Variants in TMEM132D observed in about 807,000 individuals in gnomAD.
TMEM132D encodes the protein mature OL transmembrane protein.
Under a neutral mutation model 62.3 loss-of-function variants are expected in TMEM132D, and 21 were observed. That is an observed-to-expected ratio of 0.34 (90% confidence interval 0.24 to 0.49). The LOEUF is 0.49. TMEM132D is among the 20% of genes least tolerant of loss of function. TMEM132D has a pLI of 0.99. For missense variants in TMEM132D, 1,346 were observed against 1,402.8 expected (o/e 0.96, Z 0.65); for synonymous variants, 621 against 575.6 (o/e 1.08, Z -1.13).
intron 4 of TMEM132D, among the ~76,000 whole-genome samples, chr12:129,214,721 A>T (rs1032828278): frequency 3.3e-5 from 5 of 152,236 alleles, no homozygotes; most frequent in African/African-American, 7.2e-5. Context: ...AACATCATTG[A>T]TCACTAGAGA....
At chr12:129,898,784 C>T (rs1875233740) in intron 1 of TMEM132D, among the ~76,000 whole-genome samples, 1 of 152,218 alleles carries the variant, frequency 6.6e-6, no homozygotes, top group African/African-American at 2.4e-5. Context: ...CTGTGCTTTT[C>T]CTCACTACGG....
chr12:129,795,367 G>A (rs1207033706), intron 1 of TMEM132D, among the ~76,000 whole-genome samples: 1 of 152,192 alleles, frequency 6.6e-6, no homozygotes, highest in East Asian at 1.9e-4. Context: ...TCACCTGGGT[G>A]GGAATGACAA....
chr12:129,431,579 C>G (rs1283740297), intron 3 of TMEM132D, among the ~76,000 whole-genome samples: 1 of 152,178 alleles, frequency 6.6e-6, no homozygotes, highest in Non-Finnish European at 1.5e-5. Context: ...TGCCCTGGTG[C>G]AAGCCAAGGT....
intron 4 of TMEM132D, among the ~76,000 whole-genome samples, chr12:129,255,818 G>A (rs974738319): frequency 1.3e-5 from 2 of 152,196 alleles, no homozygotes; most frequent in African/African-American, 4.8e-5. Context: ...GAGGAAGAGG[G>A]TTCTCTTTTA....
At chr12:129,513,027 G>T (rs1000103016) in intron 3 of TMEM132D, among the ~76,000 whole-genome samples, 1 of 152,174 alleles carries the variant, frequency 6.6e-6, no homozygotes, top group African/African-American at 2.4e-5. Context: ...ATATTTGAAG[G>T]TCAGTGTCTT....
intron 2 of TMEM132D, among the ~76,000 whole-genome samples, chr12:129,662,791 C>CA (rs34743737): frequency 0.084 from 5,802 of 69,334 alleles, 414 homozygotes; most frequent in Admixed American, 0.15. Context: ...GATTCCATCT[C>CA]AAAAAAAAAA....
At chr12:129,699,244 T>A (rs1881312357) in intron 2 of TMEM132D, among the ~76,000 whole-genome samples, 1 of 152,194 alleles carries the variant, frequency 6.6e-6, no homozygotes, top group African/African-American at 2.4e-5. Flanking sequence ...TATAAGAAAC[T>A]CAACAAATTC....
chr12:129,840,683 G>A (rs1008412906), intron 1 of TMEM132D, among the ~76,000 whole-genome samples: 3 of 152,142 alleles, frequency 2.0e-5, no homozygotes, highest in South Asian at 2.1e-4. Flanking sequence ...GCGGCCGCCC[G>A]CTTCCCAGGC....
chr12:129,090,434 G>A (rs564766317), intron 5 of TMEM132D, among the ~76,000 whole-genome samples: 1 of 152,314 alleles, frequency 6.6e-6, no homozygotes, highest in African/African-American at 2.4e-5. Flanking sequence ...GGGAGGCCAA[G>A]GAGGAGGATC....
intron 2 of TMEM132D, among the ~76,000 whole-genome samples, chr12:129,599,833 C>T (rs985349353): frequency 1.3e-5 from 2 of 152,184 alleles, no homozygotes; most frequent in Admixed American, 6.5e-5. Context: ...TTTAAAAATA[C>T]TTTATTGCTA....
intron 1 of TMEM132D, among the ~76,000 whole-genome samples, chr12:129,874,096 G>A (rs1300595537): frequency 2.0e-5 from 3 of 152,202 alleles, no homozygotes; most frequent in African/African-American, 7.2e-5. Flanking sequence ...GCAGCACTTT[G>A]ACTGTAGGTA....
chr12:129,804,050 A>C, intron 1 of TMEM132D, among the ~76,000 whole-genome samples: 1 of 95,000 alleles, frequency 1.1e-5, no homozygotes, highest in East Asian at 2.9e-4. Flanking sequence ...AATAATCAAT[A>C]GCTTACCAAC....
intron 2 of TMEM132D, among the ~76,000 whole-genome samples, chr12:129,536,525 A>C (rs908732109): frequency 1.3e-5 from 2 of 152,196 alleles, no homozygotes; most frequent in Non-Finnish European, 2.9e-5. Context: ...CACTACATCA[A>C]CATGTTGATA....
chr12:129,171,561 A>T (rs764380438), intron 5 of TMEM132D, among the ~76,000 whole-genome samples: 1 of 152,180 alleles, frequency 6.6e-6, no homozygotes, highest in Non-Finnish European at 1.5e-5. Flanking sequence ...CTATAGCTTT[A>T]CAAAATGTAT....
chr12:129,900,829 G>A (rs944942906), intron 1 of TMEM132D, among the ~76,000 whole-genome samples: 1 of 152,170 alleles, frequency 6.6e-6, no homozygotes, highest in Non-Finnish European at 1.5e-5. Flanking sequence ...GGGGCCATAG[G>A]ACAAGGCTGC....
chr12:129,290,103 A>C (rs545280844), intron 4 of TMEM132D, among the ~76,000 whole-genome samples: 2 of 152,212 alleles, frequency 1.3e-5, no homozygotes, highest in Non-Finnish European at 2.9e-5. Context: ...AGGGAAGCTT[A>C]GTAAAGGACC....
chr12:129,078,534 C>T lies in TMEM132D; in HGVS notation c.2115G>A (p.Gln705=), dbSNP rs1309553818. ...VAQELLQRPK[Q]EAAISCWVQF... The stretch of plus-strand genomic sequence containing the variant: ...GTGTGTCTCAAGCCCTCCTCCATAC[C>T]TGTTTTGGCCTCTGCAGAAGTTCCT... Residue 705 remains glutamine, a splice_region_variant and synonymous_variant, in exon 8 of 9, where the codon CAG becomes CAA. Coordinates refer to ENST00000422113, the MANE Select transcript of TMEM132D (RefSeq NM_133448.3). The T allele has an allele frequency of 6.2e-7, 1 of 1,612,502 alleles. No homozygotes were observed. The highest frequency in any genetic ancestry group is 8.5e-7 in the Non-Finnish European group (1 of 1,179,242).
At chr12:129,782,460 G>T (rs2137291934) in intron 1 of TMEM132D, among the ~76,000 whole-genome samples, 1 of 152,274 alleles carries the variant, frequency 6.6e-6, no homozygotes, top group East Asian at 1.9e-4. Flanking sequence ...GGGTGCCCGT[G>T]GGGGTGGCGG....
At chr12:129,189,978 A>G (rs2135555581) in intron 5 of TMEM132D, among the ~76,000 whole-genome samples, 1 of 152,020 alleles carries the variant, frequency 6.6e-6, no homozygotes, top group South Asian at 2.1e-4. Context: ...GAGGCAGAAA[A>G]TGAGAATCAG....
Sources: allele counts gnomAD v4.1 joint callset (sites outside exome capture counted in the v4.1 genomes callset), GRCh38; gene constraint gnomAD v4.1.1; transcripts MANE v1.5; gene names NCBI Gene and HGNC (gene_info 2026-07-23, HGNC 2026-07-21).